RYR2: variants seen among roughly 807,000 people sequenced by gnomAD.
The protein encoded by RYR2 is ryanodine receptor 2.
Under a neutral mutation model 601.1 loss-of-function variants are expected in RYR2, and 227 were observed. That is an observed-to-expected ratio of 0.38 (90% CI 0.34 to 0.42). RYR2 has a LOEUF of 0.42. RYR2 is among the 10% of genes least tolerant of loss of function. RYR2 has a pLI of 1.00. For missense variants in RYR2, 4,646 were observed against 6,156.5 expected (o/e 0.75, Z 8.21); for synonymous variants, 2,223 against 2,175.1 (o/e 1.02, Z -0.61).
chr1:237,416,950 C>T, intron 10 of RYR2, 99 bp from the exon 11 acceptor site: 1 of 928,786 alleles, frequency 1.1e-6, no homozygotes. Flanking sequence ...TACTCACAGG[C>T]CATTTGCTTT....
At chr1:237,707,987 C>T (rs555512167) in intron 68 of RYR2, among the ~76,000 whole-genome samples, 28 of 146,332 alleles carry the variant, frequency 1.9e-4, no homozygotes, top group African/African-American at 6.4e-4. Flanking sequence ...TCACCATGTT[C>T]GCCAGGCTGG....
chr1:237,615,451 C>T (rs1678360306), intron 37 of RYR2, among the ~76,000 whole-genome samples: 1 of 152,144 alleles, frequency 6.6e-6, no homozygotes, highest in African/African-American at 2.4e-5. Flanking sequence ...CTCATGCTCC[C>T]AAAATGCTAG....
chr1:237,567,069 G>A lies in RYR2; in HGVS notation c.3423+294G>A, dbSNP rs560114197. ...AGAGGAAAAATGCATATACATTGAC[G>A]CAGCGATTCCGTATCAGGAGTTTAT... is the stretch of plus-strand genomic sequence containing the variant. On this transcript the variant is annotated intron_variant, in intron 28 of 104. Transcript: ENST00000366574. Among the ~76,000 whole-genome samples the A allele has an allele frequency of 5.0e-4, 76 of 151,924 alleles. 1 individual carries two copies. In the South Asian group the frequency reaches 0.01, roughly 21 times the overall value.
Position 237,721,622 on chromosome 1 carries a change from G to A in RYR2, c.10555-1506G>A, listed in dbSNP as rs142002259. On this transcript the variant is annotated intron_variant, in intron 73 of 104. Transcript: ENST00000366574. ...AACCTCCACCTCCTTGGGTTCAAGC[G>A]ATTCTCCTGCCTCAGCCTCCCGAGT... Among the ~76,000 whole-genome samples the A allele has an allele frequency of 3.3e-3, 505 of 152,170 alleles. 2 individuals carry two copies. The highest frequency in any genetic ancestry group is 0.012 in the African/African-American group (484 of 41,524).
intron 2 of RYR2, among the ~76,000 whole-genome samples, chr1:237,296,447 C>T (rs941004232): frequency 4.6e-5 from 7 of 152,042 alleles, no homozygotes; most frequent in Non-Finnish European, 1.0e-4. Context: ...TCAGAAGTTT[C>T]GTCAGATTGG....
intron 15 of RYR2, 47 bp from the exon 16 acceptor site, chr1:237,456,553 C>T (rs1658840213): frequency 1.4e-6 from 2 of 1,441,254 alleles, no homozygotes; most frequent in Non-Finnish European, 9.2e-7. Flanking sequence ...AGCAGAATGA[C>T]AGTTTTGGAT....
intron 98 of RYR2, among the ~76,000 whole-genome samples, chr1:237,803,800 A>C (rs1660292131): frequency 6.6e-6 from 1 of 151,978 alleles, no homozygotes; most frequent in South Asian, 2.1e-4. Flanking sequence ...CAATGCATGT[A>C]TTTGATTATT....
At chr1:237,252,341 A>G (rs980242935) in intron 1 of RYR2, among the ~76,000 whole-genome samples, 1 of 152,092 alleles carries the variant, frequency 6.6e-6, no homozygotes, top group Non-Finnish European at 1.5e-5. Context: ...CCTGCCTGGA[A>G]TATTCCACAG....
intron 66 of RYR2, among the ~76,000 whole-genome samples, chr1:237,703,672 T>A: frequency 6.7e-6 from 1 of 150,152 alleles, no homozygotes; most frequent in Middle Eastern, 3.5e-3. Flanking sequence ...TAATGTTGAA[T>A]TTTTATATAA....
At chr1:237,515,637 T>G (rs949599491) in intron 24 of RYR2, among the ~76,000 whole-genome samples, 4 of 30,302 alleles carry the variant, frequency 1.3e-4, no homozygotes, top group Admixed American at 8.2e-4. Context: ...CCTCCCTCCA[T>G]CACCCACCCC....
intron 42 of RYR2, 77 bp from the exon 43 acceptor site, chr1:237,633,501 A>G: frequency 6.4e-7 from 1 of 1,563,012 alleles, no homozygotes; most frequent in African/African-American, 1.4e-5. Context: ...TGACGATGTG[A>G]TTGAGACCTC....
In RYR2 at chr1:237,349,791, T is replaced by A. The variant is rs532463939; in HGVS notation, c.274-6174T>A. Reference sequence around the variant, plus strand: ...AGAATAAGAAAGAATAACCAACAACTTTCCAGAGGGAAAAATGCAATATCA... The same window carrying A: ...AGAATAAGAAAGAATAACCAACAACATTCCAGAGGGAAAAATGCAATATCA... On this transcript the variant is annotated intron_variant, in intron 3 of 104. Coordinates refer to ENST00000366574, the MANE Select transcript of RYR2 (RefSeq NM_001035.3). 3.9e-5 allele frequency among the ~76,000 whole-genome samples: 6 copies of A among 152,120 alleles called. No homozygotes were observed. In the East Asian group the frequency reaches 1.2e-3, roughly 30 times the overall value.
Position 237,569,793 on chromosome 1 carries a change from C to G in RYR2, c.3598+474C>G, listed in dbSNP as rs573546409. On this transcript the variant is annotated intron_variant, in intron 29 of 104. Coordinates refer to ENST00000366574, the MANE Select transcript of RYR2 (RefSeq NM_001035.3). The stretch of plus-strand genomic sequence containing the variant: ...CAGATTACCTGCCAGGGGAGGTTGA[C>G]ACTTGTACAGTTTCTGTTTAGTGGC... Among the ~76,000 whole-genome samples, 11 of 152,256 alleles carry G rather than the reference C, an allele frequency of 7.2e-5. No homozygotes were observed. In the South Asian group the frequency reaches 2.3e-3, roughly 32 times the overall value.
At chr1:237,526,771 G>A (rs1162326885) in intron 24 of RYR2, among the ~76,000 whole-genome samples, 3 of 152,092 alleles carry the variant, frequency 2.0e-5, no homozygotes, top group African/African-American at 7.2e-5. Flanking sequence ...CCATTCTGTA[G>A]GTTGTCTATT....
chr1:237,199,673 TC>T (rs1680964774), intron 1 of RYR2, among the ~76,000 whole-genome samples: 1 of 152,178 alleles, frequency 6.6e-6, no homozygotes, highest in Non-Finnish European at 1.5e-5. Context: ...CATCCTTCAG[TC>T]CTATCAAGTT....
chr1:237,555,517 A>G (rs1377937734), intron 27 of RYR2, among the ~76,000 whole-genome samples: 7 of 152,102 alleles, frequency 4.6e-5, no homozygotes, highest in African/African-American at 1.7e-4. Flanking sequence ...CCAGGTTTTC[A>G]TTACTTTACA....
chr1:237,274,716 G>A (rs550531373), intron 2 of RYR2, among the ~76,000 whole-genome samples: 2 of 152,134 alleles, frequency 1.3e-5, no homozygotes, highest in South Asian at 2.1e-4. Context: ...AGTAACTTCC[G>A]GTCGTGCAAG....
intron 2 of RYR2, among the ~76,000 whole-genome samples, chr1:237,294,936 A>G (rs1292781666): frequency 6.6e-6 from 1 of 152,190 alleles, no homozygotes; most frequent in Non-Finnish European, 1.5e-5. Flanking sequence ...CTTATAGGCC[A>G]GGCATGGTGG....
At chr1:237,631,809 TA>T (rs1167382025) in intron 42 of RYR2, among the ~76,000 whole-genome samples, 1 of 151,436 alleles carries the variant, frequency 6.6e-6, no homozygotes, top group Non-Finnish European at 1.5e-5. Context: ...TTTGTGTTTT[TA>T]GTAGAGACGG....
Sources: allele counts gnomAD v4.1 joint callset (sites outside exome capture counted in the v4.1 genomes callset), GRCh38; gene constraint gnomAD v4.1.1; transcripts MANE v1.5; gene names NCBI Gene and HGNC (gene_info 2026-07-23, HGNC 2026-07-21).